CREB3L2: variants seen among roughly 807,000 people sequenced by gnomAD.
The protein encoded by CREB3L2 is cyclic AMP-responsive element-binding protein 3-like protein 2.
In CREB3L2, 23 loss-of-function variants were observed where a neutral mutation model predicts 57.2. The observed-to-expected ratio is 0.40, with a 90% CI of 0.29 to 0.57. The LOEUF is 0.57. CREB3L2 is among the 20% of genes least tolerant of loss of function. CREB3L2 has a pLI of 0.42. For synonymous variants in CREB3L2, 268 were observed against 265.1 expected (o/e 1.01, Z -0.11); for missense variants, 628 against 634.7 (o/e 0.99, Z 0.11).
At chr7:137,989,178 C>A (rs1801841926) in intron 1 of CREB3L2, among the ~76,000 whole-genome samples, 1 of 152,138 alleles carries the variant, frequency 6.6e-6, no homozygotes, top group South Asian at 2.1e-4. Flanking sequence ...TGGCCTTCTG[C>A]AGTTCGTGCT....
At chr7:137,982,020 G>T (rs776050053) in intron 1 of CREB3L2, among the ~76,000 whole-genome samples, 5 of 152,100 alleles carry the variant, frequency 3.3e-5, no homozygotes, top group Admixed American at 2.6e-4. Context: ...TGCTCCAGGG[G>T]GATGGGGCTG....
chr7:137,963,305 A>G (rs931687770), intron 1 of CREB3L2, among the ~76,000 whole-genome samples: 2 of 152,180 alleles, frequency 1.3e-5, no homozygotes, highest in Non-Finnish European at 2.9e-5. Flanking sequence ...CTTTCTTCCT[A>G]TTCACAAAGG....
At chr7:137,934,271 T>C (rs956162409) in intron 1 of CREB3L2, among the ~76,000 whole-genome samples, 2 of 152,132 alleles carry the variant, frequency 1.3e-5, no homozygotes, top group Admixed American at 1.3e-4. Flanking sequence ...CCTTATTGTT[T>C]CTCCTAGGAA....
chr7:137,911,080 A>G (rs1417135485), intron 4 of CREB3L2, among the ~76,000 whole-genome samples: 1 of 152,230 alleles, frequency 6.6e-6, no homozygotes, highest in Admixed American at 6.5e-5. Context: ...ACATCACAGC[A>G]TAAATTAAAA....
chr7:137,941,162 T>C (rs1409514434), intron 1 of CREB3L2, among the ~76,000 whole-genome samples: 1 of 152,234 alleles, frequency 6.6e-6, no homozygotes, highest in African/African-American at 2.4e-5. Context: ...ATCAGCTCTG[T>C]AGATCCTAGC....
At position 137,876,785 on chromosome 7, in the gene CREB3L2, A is replaced by G. The variant is rs1369649858; in HGVS notation, c.*3691T>C. 2 of 232,180 alleles carry G rather than the reference A, an allele frequency of 8.6e-6. No individual in the cohort carries two copies. The highest frequency in any genetic ancestry group is 1.7e-5 in the Non-Finnish European group (2 of 117,464). The allele number at this position is 232,180 out of a possible 1,614,324, so 14.4% of individuals were successfully genotyped here. A position where few individuals can be genotyped will look rare whatever the true frequency, so the allele number is the denominator to read the frequency against. On this transcript the variant is annotated 3_prime_UTR_variant, in exon 12 of 12. Coordinates refer to ENST00000330387, the MANE Select transcript of CREB3L2 (RefSeq NM_194071.4). ...CCAGGTTTCTTAAAGACTGGCTTCA[A>G]TAGAACCAACTGTAGTGACTTGGGG...
chr7:137,896,756 C>G (rs183148174), intron 8 of CREB3L2, among the ~76,000 whole-genome samples: 1 of 152,260 alleles, frequency 6.6e-6, no homozygotes, highest in African/African-American at 2.4e-5. Flanking sequence ...ACACACAGAG[C>G]CACTGCGCTC....
rs201782940 is a variant in CREB3L2, at chr7:137,928,181, G to C, written c.288C>G (p.Thr96=). 2.5e-6 allele frequency: 4 copies of C among 1,587,646 alleles called. No individual in the cohort carries two copies. Among genetic ancestry groups the C allele is most frequent in the Non-Finnish European group, 3.4e-6 (4 of 1,165,242 alleles). The change falls in exon 2 of 12, where the codon ACC becomes ACG. Residue 96 remains threonine (T), a synonymous_variant. Coordinates refer to ENST00000330387, the MANE Select transcript of CREB3L2 (RefSeq NM_194071.4). ...CEEPRAQSPF[T]HITTSDSFND... ...TGAAGCTGTCACTGGTGGTAATGTG[G>C]GTGAAGGGCGACTGGGCCCGAGGCT...
At chr7:137,902,983 A>AT (rs201154600) in intron 7 of CREB3L2, among the ~76,000 whole-genome samples, 1,751 of 151,296 alleles carry the variant, frequency 0.012, 28 homozygotes, top group African/African-American at 0.031. Context: ...TGCCTGGCTA[A>AT]TTTTTTTTTA....
Position 137,876,197 on chromosome 7 carries a change from C to T in CREB3L2, c.*4279G>A, listed in dbSNP as rs761813501. On this transcript the variant is annotated 3_prime_UTR_variant, in exon 12 of 12. Coordinates refer to ENST00000330387, the MANE Select transcript of CREB3L2 (RefSeq NM_194071.4). ...TTGAGCCTTCAGAAAAAAATTTTTC[C>T]CCACACCCAACTCAATCTAATAATA... 3.1e-4 allele frequency: 72 copies of T among 232,470 alleles called. No homozygotes were observed. The highest frequency in any genetic ancestry group is 4.6e-4 in the Non-Finnish European group (54 of 117,518). The allele number at this position is 232,470 out of a possible 1,614,324, so 14.4% of individuals were successfully genotyped here.
intron 1 of CREB3L2, among the ~76,000 whole-genome samples, chr7:137,970,641 A>G (rs878907285): frequency 4.6e-5 from 7 of 152,206 alleles, no homozygotes; most frequent in Admixed American, 4.6e-4. Context: ...AATCTTCAAA[A>G]CAGATTCCTT....
At chr7:137,918,442 A>G (rs273956) in intron 2 of CREB3L2, among the ~76,000 whole-genome samples, 80,709 of 151,928 alleles carry the variant, frequency 0.53, 21,740 homozygotes, top group East Asian at 0.72. Flanking sequence ...CGGCCTCCCA[A>G]AGTGCTGGGA....
chr7:137,939,653 C>G (rs912287322), intron 1 of CREB3L2, among the ~76,000 whole-genome samples: 1 of 152,222 alleles, frequency 6.6e-6, no homozygotes, highest in African/African-American at 2.4e-5. Flanking sequence ...TCAAGTCAAC[C>G]GTTCAAGGCT....
At position 137,946,880 on chromosome 7, in the gene CREB3L2, CTATATAGTTA is replaced by C. The variant is rs1800999762; in HGVS notation, c.103-18524_103-18515del. Among the ~76,000 whole-genome samples the C allele has an allele frequency of 5.9e-4, 20 of 34,052 alleles. 6 individuals are homozygous for C. Among genetic ancestry groups the C allele is most frequent in the Admixed American group, 1.1e-3 (3 of 2,638 alleles). 22.3% of individuals were successfully genotyped at this position (34,052 alleles called of 152,430 possible). On this transcript the variant is annotated intron_variant, in intron 1 of 11. Coordinates refer to ENST00000330387, the MANE Select transcript of CREB3L2 (RefSeq NM_194071.4). Reference sequence around the variant, plus strand: ...TCTATATAGTTATATATATAGTTATCTATATAGTTATATATATAGTTATATATATAGTTAT... The same window carrying C: ...TCTATATAGTTATATATATAGTTATCTATATATAGTTATATATATAGTTAT...
intron 8 of CREB3L2, among the ~76,000 whole-genome samples, chr7:137,892,756 G>A (rs545175581): frequency 1.1e-4 from 17 of 147,884 alleles, no homozygotes; most frequent in African/African-American, 3.9e-4. Flanking sequence ...CACCCCACCC[G>A]AGTCACATCT....
intron 2 of CREB3L2, among the ~76,000 whole-genome samples, chr7:137,920,156 T>C (rs1180416434): frequency 6.6e-6 from 1 of 151,470 alleles, no homozygotes; most frequent in African/African-American, 2.5e-5. Context: ...CCATGTCTTT[T>C]GCCTTAGAAT....
chr7:137,882,084 T>G (rs1191605095), intron 11 of CREB3L2, among the ~76,000 whole-genome samples: 2 of 152,232 alleles, frequency 1.3e-5, no homozygotes, highest in African/African-American at 4.8e-5. Flanking sequence ...TGTGGTTACC[T>G]GGGCTGTGCA....
At chr7:137,949,518 G>T (rs1042029547) in intron 1 of CREB3L2, among the ~76,000 whole-genome samples, 1 of 151,994 alleles carries the variant, frequency 6.6e-6, no homozygotes, top group Non-Finnish European at 1.5e-5. Context: ...CTTATATTTC[G>T]CTTTTCCCAT....
chr7:137,936,907 C>T (rs1800796648), intron 1 of CREB3L2, among the ~76,000 whole-genome samples: 1 of 152,222 alleles, frequency 6.6e-6, no homozygotes, highest in South Asian at 2.1e-4. Context: ...ACAGAGAACA[C>T]CCTCTTTCTG....
Sources: gnomAD v4.1 joint callset for allele counts (sites outside exome capture counted in the v4.1 genomes callset) on GRCh38, gnomAD v4.1.1 for gene constraint, MANE v1.5 for transcripts, NCBI Gene and HGNC (gene_info 2026-07-23, HGNC 2026-07-21) for gene names.